Variants in PRKCI observed in about 807,000 individuals in gnomAD.
The protein encoded by PRKCI is protein kinase C iota, also known as protein kinase C iota type.
Under a neutral mutation model 84.0 loss-of-function variants are expected in PRKCI, and 43 were observed. The observed-to-expected ratio is 0.51, with a 90% CI of 0.40 to 0.66. PRKCI has a LOEUF of 0.66. Ranked by LOEUF, PRKCI falls within the 30% of genes least tolerant of loss-of-function variation. The pLI, the probability that PRKCI is intolerant of heterozygous loss-of-function variation, is 0.00. For missense variants in PRKCI, 459 were observed against 745.6 expected (o/e 0.62, Z 4.48); for synonymous variants, 216 against 234.4 (o/e 0.92, Z 0.72).
At chr3:170,269,632 C>G (rs758075604) in intron 5 of PRKCI, among the ~76,000 whole-genome samples, 2 of 152,040 alleles carry the variant, frequency 1.3e-5, no homozygotes, top group Admixed American at 6.6e-5. Flanking sequence ...GCTGACAGAG[C>G]AAGACCCTGT....
chr3:170,242,871 G>A (rs1733170777), intron 2 of PRKCI, among the ~76,000 whole-genome samples: 1 of 151,732 alleles, frequency 6.6e-6, no homozygotes, highest in Admixed American at 6.6e-5. Flanking sequence ...GGGTTTTGCA[G>A]TGTTGGCCAG....
In PRKCI at chr3:170,266,438, C is replaced by T. The variant is rs183526775; in HGVS notation, c.365-1477C>T. On this transcript the variant is annotated intron_variant, in intron 4 of 17. Transcript: ENST00000295797. ...AAGTAATGAGATAAGAAATACACAA[C>T]ACTACCTATGTGTTATTTTTGCCAA... is the stretch of plus-strand genomic sequence containing the variant. Among the ~76,000 whole-genome samples the T allele has an allele frequency of 2.0e-5, 3 of 152,060 alleles. No individual in the cohort carries two copies. In the East Asian group the frequency reaches 5.8e-4, roughly 29 times the overall value.
At position 170,270,525 on chromosome 3, in the gene PRKCI, C is replaced by T. The variant is rs769218687; in HGVS notation, c.555C>T (p.Leu185=). ...KLLVHKKCHK[L]VTIECGRHSL... is the part of the protein sequence containing the mutation. ...TGGTTCATAAGAAGTGCCATAAACT[C>T]GTCACAATTGAATGTGGGCGGCATT... The change falls in exon 6 of 18, where the codon CTC becomes CTT. Residue 185 remains leucine (L), a synonymous_variant. Transcript: ENST00000295797. 1.4e-5 allele frequency: 23 copies of T among 1,611,510 alleles called. No individual in the cohort carries two copies. Among genetic ancestry groups the T allele is most frequent in the East Asian group, 4.5e-5 (2 of 44,818 alleles).
At chr3:170,291,700 T>A (rs935087133) in intron 12 of PRKCI, 154 bp from the exon 13 acceptor site, 23 of 520,274 alleles carry the variant, frequency 4.4e-5, no homozygotes, top group Non-Finnish European at 7.0e-5. Flanking sequence ...CTGTCAAAAA[T>A]AATAATAATA....
intron 3 of PRKCI, among the ~76,000 whole-genome samples, chr3:170,262,392 C>A (rs1028824004): frequency 3.0e-4 from 46 of 151,864 alleles, no homozygotes; most frequent in African/African-American, 1.1e-3. Context: ...TTAATGATTT[C>A]TTTAAGGATA....
chr3:170,223,306 G>T lies in PRKCI; in HGVS notation c.101+536G>T, dbSNP rs147427192. Among the ~76,000 whole-genome samples the T allele has an allele frequency of 4.8e-3, 738 of 152,262 alleles. 8 individuals are homozygous for T. The highest frequency in any genetic ancestry group is 0.016 in the African/African-American group (658 of 41,560). On this transcript the variant is annotated intron_variant, in intron 1 of 17. Coordinates refer to ENST00000295797, the MANE Select transcript of PRKCI (RefSeq NM_002740.6). ...CACTGCCAGTATATTAGACATAGGG[G>T]TTGTATTTAAGAATCAAGTCGATGC... is the stretch of plus-strand genomic sequence containing the variant.
intron 1 of PRKCI, among the ~76,000 whole-genome samples, chr3:170,231,693 G>A (rs1338691880): frequency 6.6e-6 from 1 of 151,934 alleles, no homozygotes; most frequent in East Asian, 1.9e-4. Flanking sequence ...TCGAACGCCT[G>A]ACCTCAGGTA....
chr3:170,297,485 T>C (rs902443326), intron 16 of PRKCI, 92 bp downstream of exon 16: 216 of 1,042,830 alleles, frequency 2.1e-4, no homozygotes, highest in Non-Finnish European at 2.9e-4. Flanking sequence ...GACAGAGTCT[T>C]GCTCTGTCAC....
chr3:170,226,479 G>A (rs1487864891), intron 1 of PRKCI, among the ~76,000 whole-genome samples: 1 of 152,274 alleles, frequency 6.6e-6, no homozygotes, highest in East Asian at 1.9e-4. Context: ...CTTTAACAAG[G>A]CAACATCTGG....
intron 1 of PRKCI, among the ~76,000 whole-genome samples, chr3:170,225,510 T>C (rs1202478284): frequency 3.9e-5 from 6 of 152,194 alleles, no homozygotes; most frequent in Non-Finnish European, 7.4e-5. Context: ...TTCTTTTCTC[T>C]CCAATCTTCT....
In PRKCI at chr3:170,305,891, T is replaced by C. The variant is rs1334939132; in HGVS notation, c.*2764T>C. ...TTTTTATTTTTGTCATGTAGAATAC[T>C]ACTGTGGTCATCATAATGTAATCTA... is the stretch of plus-strand genomic sequence containing the variant. On this transcript the variant is annotated 3_prime_UTR_variant, in exon 18 of 18. Coordinates refer to ENST00000295797, the MANE Select transcript of PRKCI (RefSeq NM_002740.6). 7 of 152,082 alleles carry C rather than the reference T, an allele frequency of 4.6e-5. No individual in the cohort carries two copies. Among genetic ancestry groups the C allele is most frequent in the African/African-American group, 1.7e-4 (7 of 41,530 alleles). 9.4% of individuals were successfully genotyped at this position (152,082 alleles called of 1,614,324 possible).
At chr3:170,230,310 C>T (rs1188052412) in intron 1 of PRKCI, among the ~76,000 whole-genome samples, 1 of 152,010 alleles carries the variant, frequency 6.6e-6, no homozygotes, top group Non-Finnish European at 1.5e-5. Context: ...GGATTATAGG[C>T]GCACGCCACA....
At chr3:170,244,299 A>G (rs1378721953) in intron 2 of PRKCI, among the ~76,000 whole-genome samples, 1 of 152,130 alleles carries the variant, frequency 6.6e-6, no homozygotes, top group Admixed American at 6.6e-5. Context: ...TGAGGAGGGC[A>G]GAGGGGCCTG....
chr3:170,223,383 T>C (rs558251542), intron 1 of PRKCI, among the ~76,000 whole-genome samples: 1 of 152,294 alleles, frequency 6.6e-6, no homozygotes, highest in African/African-American at 2.4e-5. Flanking sequence ...TTAAGTTGCA[T>C]GTGTGTAAAT....
intron 1 of PRKCI, among the ~76,000 whole-genome samples, chr3:170,233,236 T>TTTTTTTTTTTTTTTTTTG (rs1553835331): frequency 6.7e-6 from 1 of 150,222 alleles, no homozygotes. Flanking sequence ...GGTTTATTTT[T>TTTTTTTTTTTTTTTTTTG]AAAAGCAATT....
At chr3:170,245,950 T>TTTGTTTGTTTG (rs1733268656) in intron 2 of PRKCI, among the ~76,000 whole-genome samples, 1 of 44,348 alleles carries the variant, frequency 2.3e-5, no homozygotes, top group Non-Finnish European at 4.0e-5. Flanking sequence ...TATGTCTTTG[T>TTTGTTTGTTTG]TTTTTTTTTT....
intron 17 of PRKCI, among the ~76,000 whole-genome samples, chr3:170,302,523 G>T (rs1734846546): frequency 6.6e-6 from 1 of 152,098 alleles, no homozygotes. Context: ...TAAAGTAGAA[G>T]CCCAGTGTAA....
Position 170,236,169 on chromosome 3 carries a change from T to A in PRKCI, c.223+818T>A, listed in dbSNP as rs148259878. ...CAGGCTGGAGTGTAGTGGCATGATATCAGCTCACTGTAACCTCCGCCTCCA... is the reference window on the plus strand; with the variant it reads ...CAGGCTGGAGTGTAGTGGCATGATAACAGCTCACTGTAACCTCCGCCTCCA... On this transcript the variant is annotated intron_variant, in intron 2 of 17. Transcript: ENST00000295797. Among the ~76,000 whole-genome samples the A allele has an allele frequency of 3.8e-3, 571 of 151,766 alleles. 6 individuals are homozygous for A. Among genetic ancestry groups the A allele is most frequent in the African/African-American group, 0.014 (560 of 41,402 alleles).
intron 11 of PRKCI, among the ~76,000 whole-genome samples, chr3:170,283,937 T>C (rs1037825639): frequency 5.3e-5 from 8 of 152,352 alleles, no homozygotes; most frequent in African/African-American, 1.9e-4. Context: ...ATATTAAATT[T>C]TACAGTTGTT....
Sources: allele counts gnomAD v4.1 joint callset (sites outside exome capture counted in the v4.1 genomes callset), GRCh38; gene constraint gnomAD v4.1.1; transcripts MANE v1.5; gene names NCBI Gene and HGNC (gene_info 2026-07-23, HGNC 2026-07-21).